FOXN3: variants seen among roughly 807,000 people sequenced by gnomAD.
FOXN3 encodes the protein forkhead box protein N3.
In FOXN3, 7 loss-of-function variants were observed where a neutral mutation model predicts 38.4. The ratio of observed to expected loss-of-function variants is 0.18; its 90% CI spans 0.10 to 0.34. The LOEUF is 0.34. FOXN3 is among the 10% of genes least tolerant of loss of function. The probability of loss-of-function intolerance (pLI) is 1.00; values close to 1 mark genes in which losing one functional copy is unlikely to be tolerated. For missense variants in FOXN3, 456 were observed against 613.4 expected (o/e 0.74, Z 2.71); for synonymous variants, 230 against 242.2 (o/e 0.95, Z 0.47).
At chr14:89,211,482 T>C (rs535397115) in intron 4 of FOXN3, among the ~76,000 whole-genome samples, 3 of 152,292 alleles carry the variant, frequency 2.0e-5, no homozygotes, top group African/African-American at 7.2e-5. Flanking sequence ...AAGCAGTTTC[T>C]GGAGGAGCAA....
chr14:89,424,539 C>T (rs1047864870), intron 1 of FOXN3, among the ~76,000 whole-genome samples: 2 of 152,018 alleles, frequency 1.3e-5, no homozygotes, highest in African/African-American at 2.4e-5. Flanking sequence ...CAAACTCTTA[C>T]GCAGGTTCCA....
At chr14:89,499,891 GTTTT>G (rs954651207) in intron 1 of FOXN3, among the ~76,000 whole-genome samples, 1 of 150,962 alleles carries the variant, frequency 6.6e-6, no homozygotes, top group Non-Finnish European at 1.5e-5. Flanking sequence ...TTTGGCTTGG[GTTTT>G]TTGTTTGTTT....
intron 1 of FOXN3, among the ~76,000 whole-genome samples, chr14:89,549,235 T>C (rs1326950242): frequency 4.7e-5 from 7 of 149,302 alleles, no homozygotes; most frequent in Admixed American, 4.7e-4. Context: ...TATGAAACTA[T>C]AGTGATAACA....
At chr14:89,538,807 C>T (rs184801668) in intron 1 of FOXN3, among the ~76,000 whole-genome samples, 15 of 152,140 alleles carry the variant, frequency 9.9e-5, no homozygotes, top group Admixed American at 7.9e-4. Context: ...GCATGAGTCA[C>T]CGCACCTGGC....
Position 89,502,093 on chromosome 14 carries a change from G to A in FOXN3, c.-14-89603C>T, listed in dbSNP as rs144665674. ...CTAAGCAGGGGAATCGCTTGAACCC[G>A]GGAGGCAGAGGTTGCAGTGAGCCTA... On this transcript the variant is annotated intron_variant, in intron 1 of 6. Transcript: ENST00000345097. Among the ~76,000 whole-genome samples the A allele has an allele frequency of 2.7e-3, 408 of 152,242 alleles. 1 individual carries two copies. Among genetic ancestry groups the A allele is most frequent in the African/African-American group, 9.3e-3 (386 of 41,536 alleles).
chr14:89,478,506 A>C (rs1224955771), intron 1 of FOXN3, among the ~76,000 whole-genome samples: 1 of 152,188 alleles, frequency 6.6e-6, no homozygotes, highest in East Asian at 1.9e-4. Context: ...TAAAATACAT[A>C]TTTTAATCTT....
chr14:89,292,944 T>G (rs755613625), intron 3 of FOXN3, among the ~76,000 whole-genome samples: 16 of 152,176 alleles, frequency 1.1e-4, no homozygotes, highest in Non-Finnish European at 2.1e-4. Flanking sequence ...TTTCCACCTT[T>G]AGCTACAAAA....
At chr14:89,357,179 C>T (rs1889263806) in intron 2 of FOXN3, among the ~76,000 whole-genome samples, 1 of 152,142 alleles carries the variant, frequency 6.6e-6, no homozygotes, top group South Asian at 2.1e-4. Context: ...AGTGAGACCC[C>T]ATGTCTACAA....
chr14:89,540,377 G>A (rs932764471), intron 1 of FOXN3, among the ~76,000 whole-genome samples: 1 of 152,172 alleles, frequency 6.6e-6, no homozygotes, highest in South Asian at 2.1e-4. Flanking sequence ...TTACACTAGA[G>A]TTTGATAGCA....
chr14:89,298,344 A>T (rs1241773078), intron 3 of FOXN3, among the ~76,000 whole-genome samples: 1 of 152,078 alleles, frequency 6.6e-6, no homozygotes, highest in Non-Finnish European at 1.5e-5. Context: ...AGATGAAAAA[A>T]ATGATGATGG....
intron 4 of FOXN3, among the ~76,000 whole-genome samples, chr14:89,188,161 A>C (rs1043880458): frequency 7.2e-5 from 11 of 152,202 alleles, no homozygotes; most frequent in African/African-American, 2.7e-4. Flanking sequence ...ATGAGCCTAC[A>C]GCTTCAAAAC....
rs1887012142 is a variant in FOXN3, at chr14:89,157,707, T to A, written c.*4707A>T. On this transcript the variant is annotated 3_prime_UTR_variant, in exon 6 of 6. Transcript: ENST00000557258. ...AACTAAAAGAGGGTTATCACTTAGG[T>A]TATATAGCAAAAGTGTTGATGTATA... is the stretch of plus-strand genomic sequence containing the variant. 1 of 152,650 alleles carries A rather than the reference T, an allele frequency of 6.6e-6. No homozygotes were observed. The highest frequency in any genetic ancestry group is 1.5e-5 in the Non-Finnish European group (1 of 68,048). The allele number at this position is 152,650 out of a possible 1,614,324, so 9.5% of individuals were successfully genotyped here.
chr14:89,186,448 A>T (rs1887811243), intron 4 of FOXN3, among the ~76,000 whole-genome samples: 2 of 152,130 alleles, frequency 1.3e-5, no homozygotes, highest in South Asian at 4.1e-4. Context: ...TTGGGGTTAA[A>T]GCTGACTCAC....
At chr14:89,481,219 T>C (rs923619453) in intron 1 of FOXN3, among the ~76,000 whole-genome samples, 2 of 151,908 alleles carry the variant, frequency 1.3e-5, no homozygotes, top group African/African-American at 4.8e-5. Context: ...CTGGCTGGAG[T>C]TTTACTCCAC....
chr14:89,496,563 T>C (rs953687461), intron 1 of FOXN3, among the ~76,000 whole-genome samples: 1 of 152,126 alleles, frequency 6.6e-6, no homozygotes, highest in African/African-American at 2.4e-5. Context: ...AATTATTATA[T>C]TTAGCCTCCC....
chr14:89,157,965 A>G lies in FOXN3; in HGVS notation c.*4449T>C, dbSNP rs540731454. 2.6e-5 allele frequency: 4 copies of G among 152,778 alleles called. No homozygotes were observed. Among genetic ancestry groups the G allele is most frequent in the Admixed American group, 2.6e-4 (4 of 15,306 alleles). 9.5% of individuals were successfully genotyped at this position (152,778 alleles called of 1,614,324 possible). ...AAGAAAAATACTTCTCTACAGAAAC[A>G]TAAAAATCAATTGCAACATCTGGGC... On this transcript the variant is annotated 3_prime_UTR_variant, in exon 6 of 6. Coordinates refer to ENST00000557258, the MANE Select transcript of FOXN3 (RefSeq NM_005197.4).
At chr14:89,516,421 T>C (rs1428208940) in intron 1 of FOXN3, among the ~76,000 whole-genome samples, 1 of 152,190 alleles carries the variant, frequency 6.6e-6, no homozygotes, top group Non-Finnish European at 1.5e-5. Context: ...CATGCAATAA[T>C]GTGTCTTTCT....
chr14:89,607,578 G>C (rs1050078777), intron 1 of FOXN3, among the ~76,000 whole-genome samples: 1 of 148,804 alleles, frequency 6.7e-6, no homozygotes, highest in Admixed American at 6.7e-5. Context: ...AAAAAAAAAG[G>C]ACTCAAGTTT....
intron 2 of FOXN3, among the ~76,000 whole-genome samples, chr14:89,378,629 C>CAA (rs200268431): frequency 8.2e-5 from 12 of 145,682 alleles, no homozygotes; most frequent in Admixed American, 2.7e-4. Context: ...CCTTTTGGAA[C>CAA]AAAAAAAATG....
Sources: gnomAD v4.1 joint callset for allele counts (sites outside exome capture counted in the v4.1 genomes callset) on GRCh38, gnomAD v4.1.1 for gene constraint, MANE v1.5 for transcripts, NCBI Gene and HGNC (gene_info 2026-07-23, HGNC 2026-07-21) for gene names.